SLC35F1: variants seen among roughly 807,000 people sequenced by gnomAD.
The protein encoded by SLC35F1 is solute carrier family 35 member F1, also known as chromosome 6 open reading frame 169.
In SLC35F1, 14 loss-of-function variants were observed where a neutral mutation model predicts 48.7. The observed-to-expected ratio is 0.29, with a 90% CI of 0.19 to 0.45. The LOEUF (loss-of-function observed/expected upper bound fraction) is 0.45, where lower values mean the gene tolerates loss of function less well. Among genes scored for constraint, SLC35F1 ranks in the 20% least tolerant of loss-of-function variants. The pLI is 1.00. For missense variants in SLC35F1, 404 were observed against 500.0 expected, an observed-to-expected ratio of 0.81 and a Z score of 1.83; for synonymous variants, 190 against 202.2, an observed-to-expected ratio of 0.94 and a Z score of 0.51.
At chr6:118,157,335 C>T (rs961818295) in intron 2 of SLC35F1, among the ~76,000 whole-genome samples, 8 of 152,060 alleles carry the variant, frequency 5.3e-5, no homozygotes, top group Non-Finnish European at 7.4e-5. Flanking sequence ...GAATAGGAAA[C>T]CAGCCCTCAG....
At chr6:117,945,781 C>T (rs1475824561) in intron 1 of SLC35F1, among the ~76,000 whole-genome samples, 2 of 152,136 alleles carry the variant, frequency 1.3e-5, no homozygotes, top group African/African-American at 4.8e-5. Flanking sequence ...TGCATAGTAA[C>T]AAGCTTTTGC....
intron 1 of SLC35F1, among the ~76,000 whole-genome samples, chr6:118,034,124 A>T (rs2114895598): frequency 6.6e-6 from 1 of 152,306 alleles, no homozygotes; most frequent in East Asian, 1.9e-4. Context: ...CCTAGCAAGG[A>T]TAGCAATTTT....
intron 2 of SLC35F1, among the ~76,000 whole-genome samples, chr6:118,211,279 T>C (rs1331084563): frequency 6.6e-6 from 1 of 152,226 alleles, no homozygotes; most frequent in African/African-American, 2.4e-5. Context: ...CTTTTTCTTC[T>C]AAACTTCCAT....
chr6:118,083,038 A>G (rs1431465783), intron 1 of SLC35F1, among the ~76,000 whole-genome samples: 1 of 152,146 alleles, frequency 6.6e-6, no homozygotes, highest in Non-Finnish European at 1.5e-5. Context: ...GAGAAAAACA[A>G]CAGCTGTTAT....
chr6:118,140,723 C>T (rs1226813709), intron 1 of SLC35F1, among the ~76,000 whole-genome samples: 1 of 151,982 alleles, frequency 6.6e-6, no homozygotes, highest in Non-Finnish European at 1.5e-5. Flanking sequence ...CCCTAAAGAC[C>T]TTCCAGTGGG....
chr6:118,171,135 C>A (rs896724890), intron 2 of SLC35F1, among the ~76,000 whole-genome samples: 1 of 151,876 alleles, frequency 6.6e-6, no homozygotes, highest in Non-Finnish European at 1.5e-5. Context: ...CTCCTGAGCT[C>A]AATAGATCCT....
chr6:117,972,153 C>A (rs1207070109), intron 1 of SLC35F1, among the ~76,000 whole-genome samples: 1 of 152,184 alleles, frequency 6.6e-6, no homozygotes, highest in Non-Finnish European at 1.5e-5. Context: ...TTTCACAGAT[C>A]TCTAAGGTAG....
At position 118,097,176 on chromosome 6, in the gene SLC35F1, A is replaced by C. The variant is rs534584017; in HGVS notation, c.174-57269A>C. 5.9e-5 allele frequency among the ~76,000 whole-genome samples: 9 copies of C among 152,266 alleles called. No homozygotes were observed. In the East Asian group the frequency reaches 1.7e-3, roughly 29 times the overall value. ...CCCAGGATAAGGCCACATTCTGAAAACGACCTACAAAGTTCCCCCTCATTG... is the reference window on the plus strand; with the variant it reads ...CCCAGGATAAGGCCACATTCTGAAACCGACCTACAAAGTTCCCCCTCATTG... On this transcript the variant is annotated intron_variant, in intron 1 of 7. Transcript: ENST00000360388.
intron 1 of SLC35F1, among the ~76,000 whole-genome samples, chr6:118,034,490 G>A (rs1415303823): frequency 1.3e-5 from 2 of 152,068 alleles, no homozygotes; most frequent in African/African-American, 4.8e-5. Flanking sequence ...CCTGGGAGAT[G>A]GAGGTTGCAG....
intron 1 of SLC35F1, among the ~76,000 whole-genome samples, chr6:118,021,761 G>A (rs1376478598): frequency 6.6e-6 from 1 of 152,142 alleles, no homozygotes; most frequent in East Asian, 1.9e-4. Flanking sequence ...CAATTTGGCT[G>A]GAATTAGCTG....
chr6:117,909,216 A>T (rs1195466714), intron 1 of SLC35F1, among the ~76,000 whole-genome samples: 1 of 152,190 alleles, frequency 6.6e-6, no homozygotes, highest in South Asian at 2.1e-4. Flanking sequence ...CTTCCAAAAG[A>T]TAAAGTAGAA....
intron 1 of SLC35F1, among the ~76,000 whole-genome samples, chr6:117,968,892 G>A (rs1019912710): frequency 6.6e-6 from 1 of 152,206 alleles, no homozygotes; most frequent in Non-Finnish European, 1.5e-5. Flanking sequence ...TCTGTTGGAA[G>A]CATTGGAGTC....
intron 7 of SLC35F1, among the ~76,000 whole-genome samples, chr6:118,290,389 T>C (rs1363094527): frequency 6.6e-6 from 1 of 152,094 alleles, no homozygotes; most frequent in Non-Finnish European, 1.5e-5. Flanking sequence ...CATAGACATA[T>C]GCTGTATTTC....
intron 2 of SLC35F1, among the ~76,000 whole-genome samples, chr6:118,188,283 C>T (rs1774686350): frequency 6.6e-6 from 1 of 152,206 alleles, no homozygotes; most frequent in Non-Finnish European, 1.5e-5. Flanking sequence ...GGCACGGTGG[C>T]TCACGCCTGT....
intron 3 of SLC35F1, among the ~76,000 whole-genome samples, chr6:118,258,922 A>T (rs1775678530): frequency 6.6e-6 from 1 of 151,928 alleles, no homozygotes; most frequent in African/African-American, 2.4e-5. Flanking sequence ...ATAAATAACT[A>T]AAAGAACACA....
In SLC35F1 at chr6:118,235,671, C is replaced by G. The variant is rs114837400; in HGVS notation, c.477+35C>G. 3,901 of 1,604,652 alleles carry G rather than the reference C, an allele frequency of 2.4e-3. 93 individuals are homozygous for G. In the African/African-American group the frequency reaches 0.046, roughly 19 times the overall value. Reference sequence around the variant, plus strand: ...GTTCTTCTTCCCTTCTCAACTTCCTCTATCCAGATGTAGTTTACTTTCAGT... The same window carrying G: ...GTTCTTCTTCCCTTCTCAACTTCCTGTATCCAGATGTAGTTTACTTTCAGT... On this transcript the variant is annotated intron_variant, in intron 3 of 7. Coordinates refer to ENST00000360388, the MANE Select transcript of SLC35F1 (RefSeq NM_001029858.4).
intron 1 of SLC35F1, among the ~76,000 whole-genome samples, chr6:117,914,999 C>G (rs1047378686): frequency 6.6e-6 from 1 of 152,128 alleles, no homozygotes; most frequent in Non-Finnish European, 1.5e-5. Flanking sequence ...TTCTTCTGTT[C>G]AGGGTGAACC....
intron 3 of SLC35F1, among the ~76,000 whole-genome samples, chr6:118,242,148 T>TA (rs1162817588): frequency 6.6e-6 from 1 of 152,262 alleles, no homozygotes; most frequent in African/African-American, 2.4e-5. Flanking sequence ...GCTGTCAAGC[T>TA]AATTCCCATA....
At position 118,152,811 on chromosome 6, in the gene SLC35F1, T is replaced by C. The variant is rs145636704; in HGVS notation, c.174-1634T>C. On this transcript the variant is annotated intron_variant, in intron 1 of 7. Transcript: ENST00000360388. ...CAGAGCAGCAGGAATGTAAAGGCTATGTCAGCAGGCATCTTTGCAGATGTT... is the reference window on the plus strand; with the variant it reads ...CAGAGCAGCAGGAATGTAAAGGCTACGTCAGCAGGCATCTTTGCAGATGTT... Among the ~76,000 whole-genome samples the C allele has an allele frequency of 9.9e-4, 151 of 152,356 alleles. 1 individual carries two copies. Among genetic ancestry groups the C allele is most frequent in the African/African-American group, 3.5e-3 (146 of 41,596 alleles).
Sources: gnomAD v4.1 joint callset for allele counts (sites outside exome capture counted in the v4.1 genomes callset) on GRCh38, gnomAD v4.1.1 for gene constraint, MANE v1.5 for transcripts, NCBI Gene and HGNC (gene_info 2026-07-23, HGNC 2026-07-21) for gene names.